Variants in NFU1 observed in about 807,000 individuals in gnomAD.
NFU1 encodes NFU1 iron-sulfur cluster scaffold homolog, mitochondrial.
A neutral mutation model predicts 32.2 loss-of-function variants in NFU1; 30 were observed. That is an observed-to-expected ratio of 0.93 (90% CI 0.70 to 1.26). The LOEUF (loss-of-function observed/expected upper bound fraction) is 1.26, where lower values mean the gene tolerates loss of function less well. Among genes scored for constraint, NFU1 ranks in the 50% most tolerant of loss-of-function variants. The probability of loss-of-function intolerance (pLI) is 0.00; values close to 1 mark genes in which losing one functional copy is unlikely to be tolerated. For synonymous variants in NFU1, 112 were observed against 104.6 expected (o/e 1.07, Z -0.43); for missense variants, 306 against 306.6 (o/e 1.00, Z 0.02).
At chr2:69,420,878 C>T (rs940907216) in intron 3 of NFU1, among the ~76,000 whole-genome samples, 56 of 152,078 alleles carry the variant, frequency 3.7e-4, no homozygotes, top group Middle Eastern at 3.2e-3. Flanking sequence ...TTGTATCTCA[C>T]GCATACACAC....
At chr2:69,427,180 G>A (rs6546519) in intron 2 of NFU1, among the ~76,000 whole-genome samples, 66,737 of 150,394 alleles carry the variant, frequency 0.44, 15,051 homozygotes, top group African/African-American at 0.52. Context: ...GAGGTCAGGA[G>A]TTCCTGACCA....
intron 6 of NFU1, among the ~76,000 whole-genome samples, chr2:69,404,848 G>T (rs1374464864): frequency 6.6e-6 from 1 of 151,146 alleles, no homozygotes; most frequent in South Asian, 2.1e-4. Flanking sequence ...TTGAACTCCT[G>T]ATCTTAGGTG....
chr2:69,434,934 T>G (rs1425366347), intron 1 of NFU1, among the ~76,000 whole-genome samples: 1 of 152,184 alleles, frequency 6.6e-6, no homozygotes, highest in African/African-American at 2.4e-5. Flanking sequence ...ATGATCCTCC[T>G]GAGTGCTCAG....
chr2:69,423,738 A>T, intron 2 of NFU1, 21 bp from the exon 3 acceptor site: 2 of 1,546,982 alleles, frequency 1.3e-6, no homozygotes, highest in Non-Finnish European at 1.8e-6. Flanking sequence ...AAAAGAAGAA[A>T]ATGTTATTCT....
Position 69,396,298 on chromosome 2 carries a change from C to CA in NFU1, c.721-9dup, listed in dbSNP as rs754175892. The stretch of plus-strand genomic sequence containing the variant: ...TGATTCATCATCCATAACCTAAAAC[C>CA]AAAAAACAAAGACAATTTAAGAATT... On this transcript the variant is annotated splice_polypyrimidine_tract_variant and intron_variant, in intron 7 of 7. Transcript: ENST00000410022. 6 of 1,581,772 alleles carry CA rather than the reference C, an allele frequency of 3.8e-6. No homozygotes were observed. Among genetic ancestry groups the CA allele is most frequent in the Non-Finnish European group, 5.2e-6 (6 of 1,162,370 alleles).
At position 69,421,451 on chromosome 2, in the gene NFU1, G is replaced by A. The variant is rs968005661; in HGVS notation, c.303-1847C>T. ...TCCCTGGCAATCAGATTGAGGCTTC[G>A]GTTCCCCAAAATTTCAACTGATGCT... On this transcript the variant is annotated intron_variant, in intron 3 of 7. Coordinates refer to ENST00000410022, the MANE Select transcript of NFU1 (RefSeq NM_001002755.4). 4.0e-5 allele frequency among the ~76,000 whole-genome samples: 6 copies of A among 151,564 alleles called. No homozygotes were observed. The South Asian group carries it at 6.2e-4, about 16-fold the overall frequency.
chr2:69,421,160 C>T (rs939733857), intron 3 of NFU1, among the ~76,000 whole-genome samples: 2 of 151,926 alleles, frequency 1.3e-5, no homozygotes, highest in Non-Finnish European at 2.9e-5. Flanking sequence ...GCCAAGATCA[C>T]GCCATCACAC....
At chr2:69,417,426 T>C (rs918939810) in intron 4 of NFU1, among the ~76,000 whole-genome samples, 1 of 150,574 alleles carries the variant, frequency 6.6e-6, no homozygotes, top group African/African-American at 2.5e-5. Context: ...AAGGATTGCA[T>C]GAGCCCAGGA....
chr2:69,430,493 G>C (rs1418925748), intron 2 of NFU1, among the ~76,000 whole-genome samples: 1 of 152,122 alleles, frequency 6.6e-6, no homozygotes, highest in Non-Finnish European at 1.5e-5. Flanking sequence ...GGGATTATAG[G>C]CATGAGCCAC....
At chr2:69,438,774 C>T (rs558673039), upstream of NFU1, among the ~76,000 whole-genome samples, 111 of 152,104 alleles carry the variant, frequency 7.3e-4, no homozygotes, top group East Asian at 9.5e-3. Context: ...CGCCCGGGCC[C>T]GCACACTGAG....
At chr2:69,419,432 T>C in intron 4 of NFU1, 106 bp downstream of exon 4, 1 of 676,232 alleles carries the variant, frequency 1.5e-6, no homozygotes, top group South Asian at 1.8e-5. Flanking sequence ...AAATAAAATA[T>C]AAAAATTAAA....
In NFU1 at chr2:69,415,183, A is replaced by T; in HGVS notation, c.484+2T>A. ...TTTTAATTACTCAATACAACATGTT[A>T]CCTGCTTCTCCTGAAGGTGTTTCCT... On this transcript the variant is annotated splice_donor_variant, in intron 5 of 7. Coordinates refer to ENST00000410022, the MANE Select transcript of NFU1 (RefSeq NM_001002755.4). LOFTEE classifies it high-confidence loss of function. The T allele has an allele frequency of 6.5e-7, 1 of 1,536,622 alleles. No individual in the cohort carries two copies. Among genetic ancestry groups the T allele is most frequent in the Non-Finnish European group, 9.0e-7 (1 of 1,109,442 alleles).
At chr2:69,426,188 T>C (rs1673448345) in intron 2 of NFU1, among the ~76,000 whole-genome samples, 1 of 152,166 alleles carries the variant, frequency 6.6e-6, no homozygotes, top group South Asian at 2.1e-4. Context: ...GCCAGGCTGG[T>C]CTTGAACTCC....
chr2:69,414,280 C>A (rs903811964), intron 5 of NFU1, among the ~76,000 whole-genome samples: 1 of 151,856 alleles, frequency 6.6e-6, no homozygotes, highest in African/African-American at 2.4e-5. Context: ...GGATATGTTT[C>A]AAAAATATTA....
At chr2:69,439,269 G>C (rs984082966), upstream of NFU1, among the ~76,000 whole-genome samples, 2 of 152,092 alleles carry the variant, frequency 1.3e-5, no homozygotes, top group African/African-American at 4.8e-5. Context: ...GGAATTGGTG[G>C]GTTCTTGGTC....
chr2:69,402,252 C>A (rs1440293011), intron 6 of NFU1, among the ~76,000 whole-genome samples: 1 of 152,120 alleles, frequency 6.6e-6, no homozygotes, highest in East Asian at 1.9e-4. Context: ...CTTTTTCTTA[C>A]CAATTTGTAC....
intron 1 of NFU1, among the ~76,000 whole-genome samples, chr2:69,432,323 C>G (rs1252655508): frequency 1.3e-5 from 2 of 152,162 alleles, no homozygotes; most frequent in African/African-American, 2.4e-5. Flanking sequence ...GCCTGTAATC[C>G]CAGCATTTTG....
chr2:69,431,809 T>C, intron 2 of NFU1, 93 bp downstream of exon 2: 3 of 822,784 alleles, frequency 3.6e-6, no homozygotes. Flanking sequence ...AAATAGAAAA[T>C]ATACAAATTC....
intron 2 of NFU1, among the ~76,000 whole-genome samples, chr2:69,427,298 T>C (rs545670957): frequency 7.4e-4 from 112 of 151,114 alleles, no homozygotes; most frequent in Admixed American, 1.9e-3. Context: ...GGCAGGAGAA[T>C]CACTTGAACC....
Sources: allele counts gnomAD v4.1 joint callset (sites outside exome capture counted in the v4.1 genomes callset), GRCh38; gene constraint gnomAD v4.1.1; transcripts MANE v1.5; gene names NCBI Gene and HGNC (gene_info 2026-07-23, HGNC 2026-07-21).